BCAR3: variants seen among roughly 807,000 people sequenced by gnomAD.
BCAR3 encodes the protein BCAR3 adaptor protein, NSP family member, also known as breast cancer anti-estrogen resistance protein 3.
Under a neutral mutation model 80.1 loss-of-function variants are expected in BCAR3, and 37 were observed. The ratio of observed to expected loss-of-function variants is 0.46; its 90% confidence interval spans 0.36 to 0.61. BCAR3 has a LOEUF of 0.61. Among genes scored for constraint, BCAR3 ranks in the 20% least tolerant of loss-of-function variants. The probability of loss-of-function intolerance (pLI) is 0.00; values close to 1 mark genes in which losing one functional copy is unlikely to be tolerated. For synonymous variants in BCAR3, 389 were observed against 418.9 expected, an observed-to-expected ratio of 0.93 and a Z score of 0.87; for missense variants, 978 against 1,068.2, an observed-to-expected ratio of 0.92 and a Z score of 1.18.
chr1:93,592,424 C>G lies in BCAR3; in HGVS notation c.358-31G>C, dbSNP rs1557850598. The G allele has an allele frequency of 2.6e-6, 4 of 1,562,938 alleles. No individual in the cohort carries two copies. Among genetic ancestry groups the G allele is most frequent in the Admixed American group, 1.9e-5 (1 of 53,944 alleles). On this transcript the variant is annotated intron_variant, in intron 3 of 11. Transcript: ENST00000260502. The surrounding 1 kb of genome is among the most constrained non-coding windows in gnomAD (Gnocchi z 4.8). ...ACACAGAGTCAACCATGAGCTCACC[C>G]TGCCCAGGCCACACCAGGCCATGCC...
Position 93,592,464 on chromosome 1 carries a change from G to T in BCAR3, c.358-71C>A. 6.7e-7 allele frequency: 1 copy of T among 1,503,176 alleles called. No homozygotes were observed. Among genetic ancestry groups the T allele is most frequent in the South Asian group, 1.3e-5 (1 of 76,444 alleles). 93.1% of individuals were successfully genotyped at this position (1,503,176 alleles called of 1,614,324 possible). On this transcript the variant is annotated intron_variant, in intron 3 of 11. Transcript: ENST00000260502. The surrounding 1 kb of genome is among the most constrained non-coding windows in gnomAD (Gnocchi z 4.8). ...CAGGCCATGCCAGCTGGAGGTGACC[G>T]CCTGCTTCACTAATCCAACCAGTTA...
chr1:93,585,227 C>A (rs535561201), intron 5 of BCAR3: 1 of 985,380 alleles, frequency 1.0e-6, no homozygotes, highest in Admixed American at 6.1e-5. Flanking sequence ...CTAGCAGGCC[C>A]GACGTCAGGG....
Position 93,749,161 on chromosome 1 carries a change from T to C in BCAR3, c.-62-43019A>G, listed in dbSNP as rs1651457592. On this transcript the variant is annotated intron_variant, in intron 2 of 13. Transcript: ENST00000370244. ...AAACAAATAATGGTGTGTGTGTGTG[T>C]GTGGTAATTGCATATTAATCTCTCA... 2.0e-5 allele frequency among the ~76,000 whole-genome samples: 3 copies of C among 152,026 alleles called. No individual in the cohort carries two copies. In the South Asian group the frequency reaches 6.2e-4, roughly 32 times the overall value.
At chr1:93,585,674 C>T (rs1244836757) in intron 5 of BCAR3, among the ~76,000 whole-genome samples, 1 of 152,152 alleles carries the variant, frequency 6.6e-6, no homozygotes, top group Non-Finnish European at 1.5e-5. Flanking sequence ...CAAGTCCAAT[C>T]CTATTACTAT....
intron 7 of BCAR3, among the ~76,000 whole-genome samples, chr1:93,581,591 G>A (rs575654483): frequency 6.6e-6 from 1 of 152,196 alleles, no homozygotes; most frequent in South Asian, 2.1e-4. Flanking sequence ...TGTATTTTTA[G>A]TAGAGACGGG....
intron 3 of BCAR3, among the ~76,000 whole-genome samples, chr1:93,628,908 AC>A (rs1218218838): frequency 2.6e-5 from 4 of 152,174 alleles, no homozygotes; most frequent in Non-Finnish European, 1.5e-5. Flanking sequence ...CTATGTACTA[AC>A]CACAAAATTG....
In BCAR3 at chr1:93,589,145, T is replaced by TTGA; in HGVS notation, c.758_760dup (p.Ile253dup). 1 of 1,613,662 alleles carries TTGA rather than the reference T, an allele frequency of 6.2e-7. No individual in the cohort carries two copies. Among genetic ancestry groups the TTGA allele is most frequent in the Non-Finnish European group, 8.5e-7 (1 of 1,179,854 alleles). ...CAGGCACCGCAGAGGCACCGTCCTG[T>TTGA]TGATGGGCTGGAAGATGATGGCGCC... On this transcript the variant is annotated inframe_insertion, in exon 5 of 12. Transcript: ENST00000260502.
chr1:93,645,179 C>T (rs1676115839), intron 2 of BCAR3, among the ~76,000 whole-genome samples: 1 of 152,052 alleles, frequency 6.6e-6, no homozygotes, highest in Middle Eastern at 3.2e-3. Flanking sequence ...CAGGGAAATC[C>T]TCAGTGCAAA....
intron 2 of BCAR3, among the ~76,000 whole-genome samples, chr1:93,644,191 A>C (rs1051674671): frequency 6.6e-6 from 1 of 152,224 alleles, no homozygotes; most frequent in African/African-American, 2.4e-5. Flanking sequence ...AACATAGCTA[A>C]ATCTTTTTCT....
At chr1:93,688,895 C>T (rs1649069527) in intron 3 of BCAR3, among the ~76,000 whole-genome samples, 1 of 152,124 alleles carries the variant, frequency 6.6e-6, no homozygotes, top group Admixed American at 6.5e-5. Context: ...CCTTGGCCTC[C>T]CAAAGTGCTG....
At chr1:93,820,866 C>T (rs1654191428) in intron 2 of BCAR3, among the ~76,000 whole-genome samples, 2 of 147,346 alleles carry the variant, frequency 1.4e-5, no homozygotes, top group Admixed American at 1.3e-4. Flanking sequence ...CTGTCTAGCT[C>T]CCCCACCCCC....
chr1:93,685,292 C>T (rs2101959653), upstream of BCAR3, among the ~76,000 whole-genome samples: 1 of 152,250 alleles, frequency 6.6e-6, no homozygotes, highest in South Asian at 2.1e-4. Flanking sequence ...CCCCCTCCCA[C>T]TAGAAATAAG....
At chr1:93,613,841 A>G in intron 3 of BCAR3, 1 of 1,550,220 alleles carries the variant, frequency 6.5e-7, no homozygotes, top group Admixed American at 2.0e-5. Context: ...TCCAAACCAA[A>G]CCTACCTTGA....
At chr1:93,573,844 G>C (rs1209394909) in intron 8 of BCAR3, among the ~76,000 whole-genome samples, 1 of 151,926 alleles carries the variant, frequency 6.6e-6, no homozygotes, top group South Asian at 2.1e-4. Flanking sequence ...TGCCCAGCTG[G>C]TCTCGAATTC....
intron 2 of BCAR3, among the ~76,000 whole-genome samples, chr1:93,745,823 T>A (rs1651338401): frequency 2.0e-5 from 3 of 152,222 alleles, no homozygotes; most frequent in Admixed American, 2.0e-4. Flanking sequence ...GAGGATCACT[T>A]GAGACCAGGA....
rs925975541 is a variant in BCAR3 at position 93,645,098 on chromosome 1, C to T, written c.318-2755G>A. Among the ~76,000 whole-genome samples, 9 of 152,248 alleles carry T rather than the reference C, an allele frequency of 5.9e-5. No individual in the cohort carries two copies. In the East Asian group the frequency reaches 1.5e-3, roughly 26 times the overall value. On this transcript the variant is annotated intron_variant, in intron 2 of 11. Coordinates refer to ENST00000260502, the MANE Select transcript of BCAR3 (RefSeq NM_003567.4). ...GCATTTGCTCCTCCCAGCCAAAAAG[C>T]GCCCATGGGTGACTGGGGGCCTCGT... is the stretch of plus-strand genomic sequence containing the variant.
chr1:93,657,810 G>A (rs1647459989), intron 2 of BCAR3, among the ~76,000 whole-genome samples: 1 of 151,826 alleles, frequency 6.6e-6, no homozygotes, highest in South Asian at 2.1e-4. Context: ...TAATGAACTG[G>A]ACATGCAAGA....
chr1:93,694,416 A>G (rs147654245), intron 3 of BCAR3, among the ~76,000 whole-genome samples: 224 of 152,246 alleles, frequency 1.5e-3, no homozygotes, highest in African/African-American at 5.2e-3. Flanking sequence ...AGTGCTTCAC[A>G]TCACATCATT....
intron 2 of BCAR3, chr1:93,723,542 G>A (rs887814683): frequency 1.3e-5 from 2 of 152,304 alleles, no homozygotes; most frequent in Non-Finnish European, 2.9e-5. Context: ...AGAGTCTCCT[G>A]GGAAGAGCAC....
Sources: allele counts gnomAD v4.1 joint callset (sites outside exome capture counted in the v4.1 genomes callset), GRCh38; gene constraint gnomAD v4.1.1; non-coding constraint Gnocchi (gnomAD v3.1); transcripts MANE v1.5; gene names NCBI Gene and HGNC (gene_info 2026-07-23, HGNC 2026-07-21).